COMMD1: variants seen among roughly 807,000 people sequenced by gnomAD.
The protein encoded by COMMD1 is COMM domain-containing protein 1.
A neutral mutation model predicts 17.2 loss-of-function variants in COMMD1; 10 were observed. The ratio of observed to expected loss-of-function variants is 0.58; its 90% confidence interval spans 0.36 to 0.99. COMMD1 has a LOEUF of 0.99. Ranked by LOEUF, COMMD1 falls within the 50% of genes least tolerant of loss-of-function variation. The pLI is 0.01. For synonymous variants in COMMD1, 97 were observed against 91.6 expected (o/e 1.06, Z -0.34); for missense variants, 270 against 231.8 (o/e 1.17, Z -1.07).
At chr2:61,982,642 A>G (rs751067012) in intron 1 of COMMD1, among the ~76,000 whole-genome samples, 7 of 152,106 alleles carry the variant, frequency 4.6e-5, no homozygotes, top group Non-Finnish European at 1.0e-4. Context: ...CTTTTATTAT[A>G]GTGAGGTATG....
intron 2 of COMMD1, among the ~76,000 whole-genome samples, chr2:62,017,465 C>G (rs1289890360): frequency 2.0e-5 from 3 of 151,620 alleles, no homozygotes; most frequent in African/African-American, 7.3e-5. Flanking sequence ...CCCAGGAGTT[C>G]AAGACCAGCC....
At chr2:62,081,938 A>C (rs533160234) in intron 2 of COMMD1, among the ~76,000 whole-genome samples, 9 of 152,090 alleles carry the variant, frequency 5.9e-5, no homozygotes, top group Non-Finnish European at 1.0e-4. Context: ...TTGTTTTGGC[A>C]TTAACATTAA....
At chr2:62,095,584 GCAATCTC>G (rs1443935353) in intron 2 of COMMD1, among the ~76,000 whole-genome samples, 1 of 151,752 alleles carries the variant, frequency 6.6e-6, no homozygotes, top group Non-Finnish European at 1.5e-5. Flanking sequence ...GTCATCAATA[GCAATCTC>G]CAATTTATCT....
chr2:62,080,177 G>C (rs538339225), intron 2 of COMMD1, among the ~76,000 whole-genome samples: 5 of 150,810 alleles, frequency 3.3e-5, no homozygotes, highest in African/African-American at 1.2e-4. Flanking sequence ...CTTGGGCCAG[G>C]AGTAGTGGCT....
At chr2:62,135,354 C>CTT (rs375207929) in intron 2 of COMMD1, among the ~76,000 whole-genome samples, 5 of 144,336 alleles carry the variant, frequency 3.5e-5, no homozygotes, top group African/African-American at 5.1e-5. Flanking sequence ...CATAAAAGCA[C>CTT]TTTTTTTTTT....
chr2:62,129,423 A>T (rs1672966157), intron 2 of COMMD1, among the ~76,000 whole-genome samples: 1 of 152,176 alleles, frequency 6.6e-6, no homozygotes, highest in Admixed American at 6.5e-5. Flanking sequence ...GGAAAATATA[A>T]AATTTTAATT....
chr2:62,128,130 C>T (rs778166146), intron 2 of COMMD1, among the ~76,000 whole-genome samples: 58 of 151,092 alleles, frequency 3.8e-4, no homozygotes, highest in Non-Finnish European at 7.7e-4. Context: ...AAATTCAAGA[C>T]TAGCCTGGCC....
chr2:61,902,370 G>T (rs1013041845), upstream of COMMD1, among the ~76,000 whole-genome samples: 3 of 151,836 alleles, frequency 2.0e-5, no homozygotes, highest in Non-Finnish European at 2.9e-5. Flanking sequence ...GCCAGGTGTG[G>T]TGGCGCACGC....
At position 62,120,733 on chromosome 2, in the gene COMMD1, C is replaced by CT. The variant is rs1383398374; in HGVS notation, c.463-15089dup. Reference sequence around the variant, plus strand: ...CAGAAAATTCTTTTTTCTTTTCTTTCTTTTTTTTTAGAGATGGAGTCTTGC... The same window carrying CT: ...CAGAAAATTCTTTTTTCTTTTCTTTCTTTTTTTTTTAGAGATGGAGTCTTGC... On this transcript the variant is annotated intron_variant, in intron 2 of 2. Transcript: ENST00000311832. Among the ~76,000 whole-genome samples, 496 of 150,772 alleles carry CT rather than the reference C, an allele frequency of 3.3e-3. 3 individuals carry two copies. The highest frequency in any genetic ancestry group is 0.011 in the African/African-American group (472 of 41,104).
chr2:61,907,260 C>T (rs1350965190), intron 1 of COMMD1, among the ~76,000 whole-genome samples: 1 of 152,206 alleles, frequency 6.6e-6, no homozygotes. Context: ...GCATGCGCCA[C>T]CACACCCAGC....
intron 2 of COMMD1, among the ~76,000 whole-genome samples, chr2:62,074,632 T>C (rs527359680): frequency 3.9e-5 from 6 of 152,330 alleles, no homozygotes; most frequent in African/African-American, 1.2e-4. Context: ...TGAACAGCAG[T>C]GTCTAGTTTG....
upstream of COMMD1, among the ~76,000 whole-genome samples, chr2:61,904,790 G>A (rs1669731210): frequency 6.6e-6 from 1 of 152,180 alleles, no homozygotes; most frequent in Non-Finnish European, 1.5e-5. Context: ...CTTCCGGAAT[G>A]TTTTCATCAT....
chr2:62,063,015 G>A (rs543712473), intron 2 of COMMD1, among the ~76,000 whole-genome samples: 2 of 151,980 alleles, frequency 1.3e-5, no homozygotes, highest in East Asian at 2.0e-4. Flanking sequence ...TCAGGAGATC[G>A]AGACCAGCCT....
intron 2 of COMMD1, among the ~76,000 whole-genome samples, chr2:62,032,290 C>T (rs1428573235): frequency 2.6e-5 from 4 of 152,184 alleles, no homozygotes; most frequent in Non-Finnish European, 5.9e-5. Flanking sequence ...AACCCCAGCA[C>T]TCTGGGAAGC....
intron 2 of COMMD1, among the ~76,000 whole-genome samples, chr2:62,067,740 T>C (rs970925137): frequency 6.6e-6 from 1 of 152,208 alleles, no homozygotes; most frequent in Non-Finnish European, 1.5e-5. Context: ...TTCTTGGCCT[T>C]TCTCTGTAAG....
At chr2:61,917,356 TA>T (rs746867252) in intron 1 of COMMD1, among the ~76,000 whole-genome samples, 538 of 138,254 alleles carry the variant, frequency 3.9e-3, no homozygotes, top group African/African-American at 4.2e-3. Flanking sequence ...GACTCCAGTT[TA>T]AAAAAAAAAA....
At chr2:62,106,625 A>G (rs1415304625) in intron 2 of COMMD1, among the ~76,000 whole-genome samples, 1 of 152,256 alleles carries the variant, frequency 6.6e-6, no homozygotes, top group African/African-American at 2.4e-5. Context: ...CAGAGATAAT[A>G]GTTTTTGAGA....
In COMMD1 at chr2:61,950,751, T is replaced by C. The variant is rs116815714; in HGVS notation, c.180+44893T>C. Among the ~76,000 whole-genome samples the C allele has an allele frequency of 7.1e-3, 1,086 of 152,300 alleles. 19 individuals carry two copies. Among genetic ancestry groups the C allele is most frequent in the African/African-American group, 0.024 (1,017 of 41,558 alleles). On this transcript the variant is annotated intron_variant, in intron 1 of 2. Transcript: ENST00000311832. ...TAACTGAGAAGGCTACTAAGTGACC[T>C]TGGGCAGCATATACAGCGTGGATAC...
chr2:61,898,096 A>G (rs936909079), intron 1 of COMMD1, among the ~76,000 whole-genome samples: 4 of 152,148 alleles, frequency 2.6e-5, no homozygotes, highest in Non-Finnish European at 5.9e-5. Context: ...ATTTTCCCTT[A>G]CCAGAATGTA....
Sources: gnomAD v4.1 joint callset for allele counts (sites outside exome capture counted in the v4.1 genomes callset) on GRCh38, gnomAD v4.1.1 for gene constraint, MANE v1.5 for transcripts, NCBI Gene and HGNC (gene_info 2026-07-23, HGNC 2026-07-21) for gene names.